RGMB: variants seen among roughly 807,000 people sequenced by gnomAD.
RGMB encodes the protein repulsive guidance molecule B.
A neutral mutation model predicts 26.9 loss-of-function variants in RGMB; 16 were observed. The observed-to-expected ratio is 0.60, with a 90% CI of 0.40 to 0.90. The LOEUF (loss-of-function observed/expected upper bound fraction) is 0.90. Ranked by LOEUF, RGMB falls within the 40% of genes least tolerant of loss-of-function variation. The probability of loss-of-function intolerance (pLI) is 0.00; values close to 1 mark genes in which losing one functional copy is unlikely to be tolerated. For missense variants in RGMB, 512 were observed against 573.3 expected, an observed-to-expected ratio of 0.89 and a Z score of 1.09; for synonymous variants, 225 against 229.3, an observed-to-expected ratio of 0.98 and a Z score of 0.17.
chr5:98,772,798 T>A (rs1338665331), upstream of RGMB: 4 of 152,162 alleles, frequency 2.6e-5, no homozygotes, highest in Admixed American at 6.6e-5. Context: ...ATTTAAATAA[T>A]CTGTAGAAAT....
At chr5:98,788,917 CTG>C (rs748876985) in intron 2 of RGMB, among the ~76,000 whole-genome samples, 10 of 152,164 alleles carry the variant, frequency 6.6e-5, no homozygotes, top group African/African-American at 2.4e-4. Flanking sequence ...CTGGGGAAGA[CTG>C]TAGAGGCTGC....
At chr5:98,770,321 C>A (rs2277929), upstream of RGMB, 66,380 of 311,946 alleles carry the variant, frequency 0.21, 7,794 homozygotes, top group Middle Eastern at 0.33. Context: ...GAGCGAGTGG[C>A]TGGCTAATGA....
intron 1 of RGMB, among the ~76,000 whole-genome samples, chr5:98,776,572 C>A (rs1053984001): frequency 2.0e-5 from 3 of 151,370 alleles, no homozygotes; most frequent in African/African-American, 7.3e-5. Flanking sequence ...ATTCATGAAG[C>A]CTGGATATTT....
chr5:98,775,769 A>G (rs1381338532), intron 1 of RGMB, among the ~76,000 whole-genome samples: 1 of 152,244 alleles, frequency 6.6e-6, no homozygotes, highest in Non-Finnish European at 1.5e-5. Flanking sequence ...AGCTCCCAGT[A>G]TCTTCATGTG....
intron 2 of RGMB, chr5:98,781,103 T>TC (rs1445985795): frequency 6.6e-6 from 1 of 152,216 alleles, no homozygotes; most frequent in East Asian, 1.9e-4. Context: ...TTACGACTGT[T>TC]CTCTTGATTC....
In RGMB at chr5:98,794,941, T is replaced by A. The variant is rs1346730470; in HGVS notation, c.*1188T>A. On this transcript the variant is annotated 3_prime_UTR_variant, in exon 3 of 3. Coordinates refer to ENST00000513185, the MANE Select transcript of RGMB (RefSeq NM_001366508.1). ...TGGCCTGACTCGGTGTGCGGCCACTTCGGCACTGCTTAATCCAGATATTCT... is the reference window on the plus strand; with the variant it reads ...TGGCCTGACTCGGTGTGCGGCCACTACGGCACTGCTTAATCCAGATATTCT... The A allele has an allele frequency of 6.6e-6, 1 of 152,258 alleles. No individual in the cohort carries two copies. Among genetic ancestry groups the A allele is most frequent in the African/African-American group, 2.4e-5 (1 of 41,458 alleles). 9.4% of individuals were successfully genotyped at this position (152,258 alleles called of 1,614,324 possible).
chr5:98,776,071 A>T (rs537055340), intron 1 of RGMB, among the ~76,000 whole-genome samples: 9 of 152,180 alleles, frequency 5.9e-5, no homozygotes, highest in Non-Finnish European at 1.2e-4. Context: ...GCTTCAGAAT[A>T]CCTCATTTCT....
At chr5:98,776,119 G>T (rs542744955) in intron 1 of RGMB, among the ~76,000 whole-genome samples, 3 of 152,166 alleles carry the variant, frequency 2.0e-5, no homozygotes, top group Non-Finnish European at 4.4e-5. Context: ...AGATTCACAC[G>T]TGTAGTCCTG....
intron 2 of RGMB, among the ~76,000 whole-genome samples, chr5:98,791,583 G>A (rs1013711226): frequency 2.6e-5 from 4 of 152,146 alleles, no homozygotes; most frequent in African/African-American, 7.2e-5. Context: ...CCTCCATCCC[G>A]AGTAATTCAT....
At chr5:98,773,069 C>T (rs946506763), upstream of RGMB, 2 of 152,142 alleles carry the variant, frequency 1.3e-5, no homozygotes, top group Admixed American at 1.3e-4. Flanking sequence ...AGATTTCCAA[C>T]ACCGCCCCGA....
chr5:98,773,383 G>C (rs898495944), upstream of RGMB: 1 of 153,058 alleles, frequency 6.5e-6, no homozygotes, highest in African/African-American at 2.4e-5. Context: ...AATCGCGGAA[G>C]GGGGTAGAGG....
chr5:98,793,469 C>T lies in RGMB; in HGVS notation c.1030C>T (p.Gln344Ter), dbSNP rs1362976636. The change falls in exon 3 of 3, where the codon CAG becomes TAG. Residue 344 changes from glutamine to a stop codon, truncating the protein, a stop_gained. Transcript: ENST00000513185. LOFTEE classifies it high-confidence loss of function. ...GHSLPRTSLV[Q>*]AWPGYTLETA... ...CAGCCTGCCTCGCACCTCCTTGGTGCAGGCCTGGCCTGGCTACACACTGGA... is the reference window on the plus strand; with the variant it reads ...CAGCCTGCCTCGCACCTCCTTGGTGTAGGCCTGGCCTGGCTACACACTGGA... The T allele has an allele frequency of 6.2e-7, 1 of 1,613,046 alleles. No homozygotes were observed. Among genetic ancestry groups the T allele is most frequent in the South Asian group, 1.1e-5 (1 of 90,872 alleles).
Position 98,795,207 on chromosome 5 carries a change from T to C in RGMB, c.*1454T>C, listed in dbSNP as rs549869521. 3 of 152,360 alleles carry C rather than the reference T, an allele frequency of 2.0e-5. No individual in the cohort carries two copies. The highest frequency in any genetic ancestry group is 1.9e-4 in the East Asian group (1 of 5,190). 9.4% of individuals were successfully genotyped at this position (152,360 alleles called of 1,614,324 possible). A position where few individuals can be genotyped will look rare whatever the true frequency, so the allele number is the denominator to read the frequency against. ...CAGGATAGGTAGGTTTCTATTGTTATAGCTAGATGTAAATCTTTAGTTCCA... is the reference window on the plus strand; with the variant it reads ...CAGGATAGGTAGGTTTCTATTGTTACAGCTAGATGTAAATCTTTAGTTCCA... On this transcript the variant is annotated 3_prime_UTR_variant, in exon 3 of 3. Transcript: ENST00000513185.
chr5:98,782,632 G>A (rs1297619437), intron 2 of RGMB, among the ~76,000 whole-genome samples: 1 of 152,184 alleles, frequency 6.6e-6, no homozygotes. Flanking sequence ...CCACTAGATT[G>A]AAAGACTGAT....
rs1202368485 is a variant in RGMB, at chr5:98,794,114, G to A, written c.*361G>A. On this transcript the variant is annotated 3_prime_UTR_variant, in exon 3 of 3. Coordinates refer to ENST00000513185, the MANE Select transcript of RGMB (RefSeq NM_001366508.1). ...ATCCATATGCAGCGTTTCCTTTGAA[G>A]GTGACCAGTTGTTTGTAGCTATTCT... 6.3e-6 allele frequency: 1 copy of A among 159,922 alleles called. No homozygotes were observed. Among genetic ancestry groups the A allele is most frequent in the African/African-American group, 2.4e-5 (1 of 41,560 alleles). The allele number at this position is 159,922 out of a possible 1,614,324, so 9.9% of individuals were successfully genotyped here.
At chr5:98,769,801 C>T (rs1561432151), upstream of RGMB, 1 of 152,374 alleles carries the variant, frequency 6.6e-6, no homozygotes, top group Non-Finnish European at 1.5e-5. Context: ...CCAAAAGCCC[C>T]TTTTCGCAAC....
In RGMB at chr5:98,773,685, TGG is replaced by T; in HGVS notation, c.-384_-383del. The T allele has an allele frequency of 2.8e-6, 1 of 361,440 alleles. No homozygotes were observed. Among genetic ancestry groups the T allele is most frequent in the East Asian group, 4.1e-5 (1 of 24,142 alleles). The allele number at this position is 361,440 out of a possible 1,614,324, so 22.4% of individuals were successfully genotyped here. A position where few individuals can be genotyped will look rare whatever the true frequency, so the allele number is the denominator to read the frequency against. ...CGCGCAGAGATATCCGGGCCGCCGG[TGG>T]GTGGTCGCTAGGGCTGGGCCAGCCT... is the stretch of plus-strand genomic sequence containing the variant. On this transcript the variant is annotated 5_prime_UTR_variant, in exon 1 of 3. Transcript: ENST00000513185.
In RGMB at chr5:98,793,464, T is replaced by C. The variant is rs1439177438; in HGVS notation, c.1025T>C (p.Leu342Ser). The C allele has an allele frequency of 6.2e-6, 10 of 1,612,924 alleles. No homozygotes were observed. The African/African-American group carries it at 1.2e-4, about 19-fold the overall frequency. The change falls in exon 3 of 3, where the codon TTG becomes TCG. Residue 342 changes from leucine (L) to serine (S), a missense_variant. By Grantham distance (145) the Leu-to-Ser change is moderately radical. Coordinates refer to ENST00000513185, the MANE Select transcript of RGMB (RefSeq NM_001366508.1). ...ILGHSLPRTS[L>S]VQAWPGYTLE... is the part of the protein sequence containing the mutation. Reference sequence around the variant, plus strand: ...GGACACAGCCTGCCTCGCACCTCCTTGGTGCAGGCCTGGCCTGGCTACACA... The same window carrying C: ...GGACACAGCCTGCCTCGCACCTCCTCGGTGCAGGCCTGGCCTGGCTACACA...
At chr5:98,774,462 C>A (rs181475754) in intron 1 of RGMB, among the ~76,000 whole-genome samples, 1 of 152,328 alleles carries the variant, frequency 6.6e-6, no homozygotes, top group Middle Eastern at 3.4e-3. Context: ...GACAAATCTC[C>A]CCTCCGACAG....
Sources: allele counts gnomAD v4.1 joint callset (sites outside exome capture counted in the v4.1 genomes callset), GRCh38; gene constraint gnomAD v4.1.1; transcripts MANE v1.5; gene names NCBI Gene and HGNC (gene_info 2026-07-23, HGNC 2026-07-21).